The following AGTPBP1 variants were observed in gnomAD, a reference collection of about 807,000 sequenced individuals.
AGTPBP1 encodes the protein cytosolic carboxypeptidase 1.
AGTPBP1 carries 70 observed loss-of-function variants against 143.9 expected under a neutral mutation model. The observed-to-expected ratio is 0.49, with a 90% CI of 0.40 to 0.59. AGTPBP1 has a LOEUF of 0.59. AGTPBP1 is among the 20% of genes least tolerant of loss of function. The probability of loss-of-function intolerance (pLI) is 0.00; values close to 1 mark genes in which losing one functional copy is unlikely to be tolerated. For missense variants in AGTPBP1, 1,229 were observed against 1,464.5 expected (o/e 0.84, Z 2.62); for synonymous variants, 463 against 500.2 (o/e 0.93, Z 0.99).
intron 23 of AGTPBP1, among the ~76,000 whole-genome samples, chr9:85,583,378 T>A (rs1828402112): frequency 6.6e-6 from 1 of 152,024 alleles, no homozygotes; most frequent in Admixed American, 6.6e-5. Context: ...CCTACAACCC[T>A]GGAAATGTAA....
intron 20 of AGTPBP1, among the ~76,000 whole-genome samples, chr9:85,589,204 AT>A (rs1349303313): frequency 1.3e-5 from 2 of 151,994 alleles, no homozygotes; most frequent in Admixed American, 6.6e-5. Flanking sequence ...AAATCAGTCC[AT>A]TTCTAAATTG....
chr9:85,718,709 A>AT (rs1300314360), intron 1 of AGTPBP1, among the ~76,000 whole-genome samples: 1 of 152,092 alleles, frequency 6.6e-6, no homozygotes, highest in African/African-American at 2.4e-5. Context: ...TTTTGTTGCC[A>AT]TTGCTTTTGG....
At chr9:85,685,697 T>A (rs547462160) in intron 3 of AGTPBP1, among the ~76,000 whole-genome samples, 3 of 152,158 alleles carry the variant, frequency 2.0e-5, no homozygotes, top group Admixed American at 2.0e-4. Context: ...ATAAAGAGCT[T>A]CCAAAATGGT....
chr9:85,695,846 CTT>C (rs754228578), intron 2 of AGTPBP1, among the ~76,000 whole-genome samples: 2 of 145,340 alleles, frequency 1.4e-5, no homozygotes, highest in Admixed American at 1.4e-4. Flanking sequence ...TTTTCTTTTA[CTT>C]TTTTTTTTTT....
At chr9:85,581,888 C>T (rs940913453) in intron 23 of AGTPBP1, among the ~76,000 whole-genome samples, 5 of 152,072 alleles carry the variant, frequency 3.3e-5, no homozygotes, top group South Asian at 2.1e-4. Context: ...AGGAAATGCT[C>T]GTTGGAGCAT....
chr9:85,561,404 A>G (rs1419180745), intron 25 of AGTPBP1, among the ~76,000 whole-genome samples: 1 of 151,336 alleles, frequency 6.6e-6, no homozygotes, highest in East Asian at 1.9e-4. Flanking sequence ...AAAAAAAAAG[A>G]CAGACCATTT....
chr9:85,702,943 A>T (rs1213808957), intron 2 of AGTPBP1, among the ~76,000 whole-genome samples: 1 of 152,162 alleles, frequency 6.6e-6, no homozygotes, highest in Non-Finnish European at 1.5e-5. Flanking sequence ...ATCTCTACAC[A>T]ACCCAGTTAC....
At chr9:85,619,468 A>C (rs988429252) in intron 15 of AGTPBP1, among the ~76,000 whole-genome samples, 167 bp from the exon 16 acceptor site, 2 of 152,194 alleles carry the variant, frequency 1.3e-5, no homozygotes, top group Admixed American at 1.3e-4. Context: ...TTAAATGTGG[A>C]TAAGATTTAT....
chr9:85,663,573 T>A (rs1833961837), intron 8 of AGTPBP1, among the ~76,000 whole-genome samples: 1 of 147,486 alleles, frequency 6.8e-6, no homozygotes, highest in Admixed American at 6.8e-5. Flanking sequence ...TCAAAAATTA[T>A]CAAGCATGAA....
chr9:85,694,954 C>T lies in AGTPBP1; in HGVS notation c.33-2141G>A, dbSNP rs147222633. Among the ~76,000 whole-genome samples, 122 of 152,256 alleles carry T rather than the reference C, an allele frequency of 8.0e-4. 1 individual carries two copies. Among genetic ancestry groups the T allele is most frequent in the Middle Eastern group, 6.8e-3 (2 of 294 alleles). On this transcript the variant is annotated intron_variant, in intron 2 of 25. Coordinates refer to ENST00000357081, the MANE Select transcript of AGTPBP1 (RefSeq NM_001330701.2). ...CCCTTTTCCACACTGCAACCCAATA[C>T]AAGTTCTATCTCAAAACATCTCAAA...
chr9:85,760,688 C>G, the AGTPBP1 span, among the ~76,000 whole-genome samples: 1 of 152,156 alleles, frequency 6.6e-6, no homozygotes, highest in East Asian at 1.9e-4. Flanking sequence ...AAACTGGAAG[C>G]ATTCCCTTTG....
At chr9:85,776,623 C>A in the AGTPBP1 span, among the ~76,000 whole-genome samples, 1 of 152,150 alleles carries the variant, frequency 6.6e-6, no homozygotes. Flanking sequence ...TCTTGATAGT[C>A]CAGGTCAGTC....
At chr9:85,741,333 G>T in intron 1 of AGTPBP1, 1 of 985,422 alleles carries the variant, frequency 1.0e-6, no homozygotes, top group Non-Finnish European at 1.2e-6. Context: ...GCGATTCAGC[G>T]GCCCGCTACC....
intron 12 of AGTPBP1, among the ~76,000 whole-genome samples, chr9:85,644,952 C>T (rs1360996649): frequency 6.6e-6 from 1 of 152,082 alleles, no homozygotes; most frequent in Non-Finnish European, 1.5e-5. Flanking sequence ...GCTCAGCAGT[C>T]TCAAAAAGCC....
chr9:85,793,121 T>C, the AGTPBP1 span, among the ~76,000 whole-genome samples: 1 of 152,188 alleles, frequency 6.6e-6, no homozygotes. Flanking sequence ...ACTATTTCTT[T>C]GATTTATGAG....
intron 24 of AGTPBP1, among the ~76,000 whole-genome samples, chr9:85,576,623 A>T (rs944411083): frequency 6.6e-6 from 1 of 152,188 alleles, no homozygotes; most frequent in African/African-American, 2.4e-5. Flanking sequence ...AAACTCAGTA[A>T]GATAAAAATA....
intron 25 of AGTPBP1, among the ~76,000 whole-genome samples, chr9:85,568,545 T>C (rs1827254031): frequency 6.6e-6 from 1 of 152,124 alleles, no homozygotes; most frequent in Admixed American, 6.5e-5. Context: ...TATATTCCAT[T>C]ACACACCTGG....
chr9:85,647,935 G>T (rs956960752), intron 11 of AGTPBP1, among the ~76,000 whole-genome samples: 8 of 152,138 alleles, frequency 5.3e-5, no homozygotes, highest in African/African-American at 1.9e-4. Context: ...AAAGAAGATA[G>T]GCACTGAGAA....
intron 25 of AGTPBP1, among the ~76,000 whole-genome samples, chr9:85,567,422 A>T (rs1333653621): frequency 6.6e-6 from 1 of 151,968 alleles, no homozygotes; most frequent in African/African-American, 2.4e-5. Flanking sequence ...GAAGCCCCGT[A>T]TCTACTAAAA....
Sources: gnomAD v4.1 joint callset for allele counts (sites outside exome capture counted in the v4.1 genomes callset) on GRCh38, gnomAD v4.1.1 for gene constraint, MANE v1.5 for transcripts, NCBI Gene and HGNC (gene_info 2026-07-23, HGNC 2026-07-21) for gene names.